The following HDAC7 variants were observed in gnomAD, a reference collection of about 807,000 sequenced individuals.
HDAC7 encodes the protein histone deacetylase 7.
A neutral mutation model predicts 115.5 loss-of-function variants in HDAC7; 26 were observed. The observed-to-expected ratio is 0.23, with a 90% CI of 0.16 to 0.31. The LOEUF (loss-of-function observed/expected upper bound fraction) is 0.31. Among genes scored for constraint, HDAC7 ranks in the 10% least tolerant of loss-of-function variants. The pLI, the probability that HDAC7 is intolerant of heterozygous loss-of-function variation, is 1.00. For missense variants in HDAC7, 1,068 were observed against 1,329.0 expected (o/e 0.80, Z 3.05); for synonymous variants, 564 against 550.9 (o/e 1.02, Z -0.33).
At chr12:47,790,926 C>A (rs527238563) in intron 16 of HDAC7, 7 of 426,998 alleles carry the variant, frequency 1.6e-5, no homozygotes, top group African/African-American at 4.2e-5. Context: ...AGCAGCCTGG[C>A]GGCCAATGCC....
chr12:47,800,583 G>A (rs914415780), intron 2 of HDAC7, among the ~76,000 whole-genome samples: 3 of 152,104 alleles, frequency 2.0e-5, no homozygotes, highest in East Asian at 1.9e-4. Context: ...CAAGAAATCC[G>A]GATTCTCATT....
chr12:47,785,803 T>G lies in HDAC7; in HGVS notation c.2655A>C (p.Thr885=), dbSNP rs1194697022. ...AGGCCTCAGAGGCGTCACAGATGGC[T>G]GTGAGGTCATGGCCACCCTCCAAGG... is the stretch of plus-strand genomic sequence containing the variant. ...VLALEGGHDL[T]AICDASEACV... The change falls in exon 23 of 26, where the codon ACA becomes ACC. Residue 885 remains threonine, a synonymous_variant. Coordinates refer to ENST00000080059, the MANE Select transcript of HDAC7 (RefSeq NM_015401.5). The G allele has an allele frequency of 1.2e-6, 2 of 1,611,030 alleles. No homozygotes were observed. The highest frequency in any genetic ancestry group is 1.7e-6 in the Non-Finnish European group (2 of 1,178,962).
In HDAC7 at chr12:47,795,241, C is replaced by T. The variant is rs914488067; in HGVS notation, c.1227G>A (p.Pro409=). 1.2e-5 allele frequency: 20 copies of T among 1,612,218 alleles called. No individual in the cohort carries two copies. Among genetic ancestry groups the T allele is most frequent in the South Asian group, 5.5e-5 (5 of 90,918 alleles). ...PLPPSATAPP[P]PGPMQPRLEQ... is the part of the protein sequence containing the mutation. Reference sequence around the variant, plus strand: ...CCAGGCGGGGCTGCATGGGGCCCGGCGGTGGGGGAGCGGTGGCACTGGGGG... The same window carrying T: ...CCAGGCGGGGCTGCATGGGGCCCGGTGGTGGGGGAGCGGTGGCACTGGGGG... Residue 409 remains proline, a synonymous_variant, in exon 11 of 26, where the codon CCG becomes CCA. Transcript: ENST00000080059. The surrounding 1 kb of genome is among the most constrained non-coding windows in gnomAD (Gnocchi z 4.3).
At chr12:47,821,310 C>G (rs1945017543), upstream of HDAC7, among the ~76,000 whole-genome samples, 1 of 152,208 alleles carries the variant, frequency 6.6e-6, no homozygotes, top group African/African-American at 2.4e-5. Context: ...TCGGGACTCA[C>G]TATCTGTTGC....
intron 15 of HDAC7, 89 bp downstream of exon 15, chr12:47,791,497 G>A (rs937691358): frequency 2.2e-4 from 339 of 1,506,714 alleles, no homozygotes; most frequent in Non-Finnish European, 2.9e-4. Context: ...GCAGGAGGAG[G>A]CTGGCTGGGC....
intron 1 of HDAC7, among the ~76,000 whole-genome samples, chr12:47,815,474 A>G (rs1944824517): frequency 1.3e-5 from 2 of 152,192 alleles, no homozygotes; most frequent in Admixed American, 6.5e-5. Flanking sequence ...CCTCAAAAGA[A>G]AAAATGAAGA....
Position 47,798,621 on chromosome 12 carries a change from T to C in HDAC7, c.290A>G (p.Gln97Arg). 6.2e-7 allele frequency: 1 copy of C among 1,613,954 alleles called. No homozygotes were observed. The highest frequency in any genetic ancestry group is 1.7e-5 in the Admixed American group (1 of 60,010). ...LSMDTPMPEL[Q>R]VGPQEQELRQ... ...CAGCTCTTGTTCCTGGGGTCCCACCTGCAACTCGGGCATCGGCGTGTCCAT... is the reference window on the plus strand; with the variant it reads ...CAGCTCTTGTTCCTGGGGTCCCACCCGCAACTCGGGCATCGGCGTGTCCAT... The change falls in exon 4 of 26, where the codon CAG (glutamine) becomes CGG (arginine). Residue 97 changes from glutamine to arginine, a missense_variant. Gln to Arg is a conservative substitution (Grantham distance 43). Around this residue, in one of 6 missense-constraint regions of HDAC7, gnomAD observed 161 missense variants for 158.5 expected, o/e 1.02. Transcript: ENST00000080059. The surrounding 1 kb of genome is among the most constrained non-coding windows in gnomAD (Gnocchi z 4.3).
At chr12:47,799,859 T>A (rs1944077982) in intron 2 of HDAC7, among the ~76,000 whole-genome samples, 1 of 152,202 alleles carries the variant, frequency 6.6e-6, no homozygotes, top group South Asian at 2.1e-4. Context: ...ACGGAGCTGT[T>A]GCAGCGGGCT....
intron 20 of HDAC7, 64 bp from the exon 21 acceptor site, chr12:47,787,873 G>C: frequency 6.5e-7 from 1 of 1,544,434 alleles, no homozygotes; most frequent in Non-Finnish European, 8.8e-7. Context: ...ACACCAGTTT[G>C]TTAGAGCTGC....
chr12:47,796,252 G>A lies in HDAC7; in HGVS notation c.750C>T (p.Ser250=). 1 of 1,601,576 alleles carries A rather than the reference G, an allele frequency of 6.2e-7. No homozygotes were observed. Among genetic ancestry groups the A allele is most frequent in the Non-Finnish European group, 8.5e-7 (1 of 1,176,808 alleles). ...SSSTPASGCS[S]PNDSEHGPNP... is the part of the protein sequence containing the mutation. ...TGGGGCCGTGCTCGCTGTCATTGGG[G>A]GAGCTGCACCCTGATGCGGGCGTGC... is the stretch of plus-strand genomic sequence containing the variant. The change falls in exon 8 of 26, where the codon TCC becomes TCT. Residue 250 remains serine, a synonymous_variant. Transcript: ENST00000080059.
intron 16 of HDAC7, chr12:47,790,932 A>G (rs1943460005): frequency 2.2e-6 from 1 of 445,974 alleles, no homozygotes; most frequent in Non-Finnish European, 4.0e-6. Flanking sequence ...CTGGCGGCCA[A>G]TGCCCAGTCA....
chr12:47,799,588 G>A (rs1663294750), intron 2 of HDAC7, among the ~76,000 whole-genome samples: 1 of 152,234 alleles, frequency 6.6e-6, no homozygotes. Flanking sequence ...CTGTGCCCAG[G>A]GCAGGTTCCT....
chr12:47,805,327 T>G (rs989985889), intron 1 of HDAC7, among the ~76,000 whole-genome samples: 16 of 151,876 alleles, frequency 1.1e-4, no homozygotes, highest in Non-Finnish European at 2.4e-4. Context: ...CAAGCGATCC[T>G]CCCCGCTCAT....
In HDAC7 at chr12:47,791,961, G is replaced by A. The variant is rs200152997; in HGVS notation, c.1722C>T (p.Cys574=). The A allele has an allele frequency of 3.2e-5, 52 of 1,610,998 alleles. No individual in the cohort carries two copies. The highest frequency in any genetic ancestry group is 1.7e-4 in the Middle Eastern group (1 of 6,020). Residue 574 remains cysteine (C), a synonymous_variant, in exon 14 of 26, where the codon TGC becomes TGT. Transcript: ENST00000080059. ...DSVMLKHQCS[C]GDNSRHPEHA... ...GCTCCGGGTGCCTGCTGTTGTCACCGCAGGAGCACTGGTGCTTCAGCATGA... is the reference window on the plus strand; with the variant it reads ...GCTCCGGGTGCCTGCTGTTGTCACCACAGGAGCACTGGTGCTTCAGCATGA...
chr12:47,790,141 T>A (rs1312539112), intron 16 of HDAC7: 10 of 553,096 alleles, frequency 1.8e-5, no homozygotes, highest in Non-Finnish European at 2.9e-5. Flanking sequence ...GCCCATTATC[T>A]GGCCAGCACT....
At position 47,798,985 on chromosome 12, in the gene HDAC7, A is replaced by G; in HGVS notation, c.71-13T>C. 6.8e-7 allele frequency: 1 copy of G among 1,476,424 alleles called. No homozygotes were observed. 91.5% of individuals were successfully genotyped at this position (1,476,424 alleles called of 1,614,324 possible). ...GGCCTGGGGCAGCCTAGGGACAGAGAGAGGGAGCAGGGTAAACTGGAAAGT... is the reference window on the plus strand; with the variant it reads ...GGCCTGGGGCAGCCTAGGGACAGAGGGAGGGAGCAGGGTAAACTGGAAAGT... On this transcript the variant is annotated splice_polypyrimidine_tract_variant and intron_variant, in intron 2 of 25. Coordinates refer to ENST00000080059, the MANE Select transcript of HDAC7 (RefSeq NM_015401.5). The surrounding 1 kb of genome is among the most constrained non-coding windows in gnomAD (Gnocchi z 4.3).
Position 47,796,292 on chromosome 12 carries a change from G to A in HDAC7, c.710C>T (p.Ser237Phe). Residue 237 changes from serine (S) to phenylalanine (F), a missense_variant, in exon 8 of 26, where the codon TCC (serine) becomes TTC (phenylalanine). Physicochemically the swap from Ser to Phe is radical, Grantham distance 155. Coordinates refer to ENST00000080059, the MANE Select transcript of HDAC7 (RefSeq NM_015401.5). ...RRPAETLGDS[S>F]PSSSSTPASG... The stretch of plus-strand genomic sequence containing the variant: ...TGCGGGCGTGCTGCTACTACTTGGG[G>A]AGGAGTCTGAGGGTTGGGGAGAGAG... 1 of 1,597,432 alleles carries A rather than the reference G, an allele frequency of 6.3e-7. No individual in the cohort carries two copies. Among genetic ancestry groups the A allele is most frequent in the Non-Finnish European group, 8.5e-7 (1 of 1,174,674 alleles).
intron 7 of HDAC7, among the ~76,000 whole-genome samples, chr12:47,796,565 A>C (rs1246485123): frequency 6.6e-6 from 1 of 151,958 alleles, no homozygotes; most frequent in African/African-American, 2.4e-5. Flanking sequence ...CTGGGACTAC[A>C]GGCATGCACC....
At chr12:47,802,351 C>T in intron 1 of HDAC7, 77 bp from the exon 2 acceptor site, 2 of 1,541,434 alleles carry the variant, frequency 1.3e-6, no homozygotes, top group Non-Finnish European at 1.8e-6. Context: ...AAGGTCAAGC[C>T]AGGCCTGCTC....
Sources: gnomAD v4.1 joint callset for allele counts (sites outside exome capture counted in the v4.1 genomes callset) on GRCh38, gnomAD v4.1.1 for gene constraint, gnomAD v4.1.1 regional missense constraint, Gnocchi (gnomAD v3.1) non-coding constraint, MANE v1.5 for transcripts, NCBI Gene and HGNC (gene_info 2026-07-23, HGNC 2026-07-21) for gene names.